Variants in PHTF1 observed in about 807,000 individuals in gnomAD.
PHTF1 encodes the protein protein PHTF1.
In PHTF1, 88 loss-of-function variants were observed where a neutral mutation model predicts 102.4. The observed-to-expected ratio is 0.86, with a 90% confidence interval of 0.72 to 1.03. PHTF1 has a LOEUF of 1.03. Among genes scored for constraint, PHTF1 ranks in the 50% least tolerant of loss-of-function variants. The probability of loss-of-function intolerance (pLI) is 0.00; values close to 1 mark genes in which losing one functional copy is unlikely to be tolerated. For synonymous variants in PHTF1, 289 were observed against 305.2 expected (o/e 0.95, Z 0.55); for missense variants, 814 against 909.5 (o/e 0.89, Z 1.35).
intron 7 of PHTF1, among the ~76,000 whole-genome samples, chr1:113,718,685 G>A (rs937399573): frequency 1.3e-5 from 2 of 152,228 alleles, no homozygotes; most frequent in African/African-American, 2.4e-5. Context: ...AGCTGCCAAG[G>A]TTTGGAGCGT....
chr1:113,716,781 TCAA>T (rs909007825), intron 7 of PHTF1, among the ~76,000 whole-genome samples: 5 of 152,274 alleles, frequency 3.3e-5, no homozygotes, highest in East Asian at 1.9e-4. Flanking sequence ...AAGGATTTCA[TCAA>T]CAACAGACCT....
intron 3 of PHTF1, among the ~76,000 whole-genome samples, chr1:113,743,440 C>T (rs1307268649): frequency 6.6e-6 from 1 of 151,978 alleles, no homozygotes; most frequent in Non-Finnish European, 1.5e-5. Context: ...GAAGGACCTA[C>T]CTGAGACTGT....
intron 7 of PHTF1, among the ~76,000 whole-genome samples, chr1:113,715,379 G>GCACA (rs1209223817): frequency 1.3e-5 from 2 of 151,980 alleles, no homozygotes; most frequent in Non-Finnish European, 2.9e-5. Context: ...TTTTAGCCAG[G>GCACA]CACAGTGGCT....
At chr1:113,735,510 T>C (rs952629408) in intron 5 of PHTF1, among the ~76,000 whole-genome samples, 2 of 150,862 alleles carry the variant, frequency 1.3e-5, no homozygotes, top group Admixed American at 1.3e-4. Flanking sequence ...GGTATGCCCA[T>C]ATGATGAATT....
At chr1:113,754,942 T>A (rs935575644) in intron 3 of PHTF1, among the ~76,000 whole-genome samples, 2 of 152,174 alleles carry the variant, frequency 1.3e-5, no homozygotes, top group African/African-American at 4.8e-5. Flanking sequence ...CTTATACTTC[T>A]GTTTGTTAAT....
At chr1:113,758,514 CTTTTT>C in intron 2 of PHTF1, 140 bp downstream of exon 2, 4 of 329,964 alleles carry the variant, frequency 1.2e-5, no homozygotes, top group Non-Finnish European at 2.1e-5. Context: ...CCTTGTACAT[CTTTTT>C]TTTTTTTTTT....
intron 7 of PHTF1, among the ~76,000 whole-genome samples, chr1:113,717,680 G>A (rs750332571): frequency 5.9e-5 from 9 of 152,074 alleles, no homozygotes; most frequent in East Asian, 1.9e-4. Flanking sequence ...GAATCATGGC[G>A]GGAGGTAAAA....
chr1:113,738,017 A>T (rs1397262473), intron 5 of PHTF1, 93 bp downstream of exon 5: 1 of 869,256 alleles, frequency 1.2e-6, no homozygotes, highest in Non-Finnish European at 1.8e-6. Flanking sequence ...CTGTCAAATG[A>T]AAGGGTAAAT....
rs756552318 is a variant in PHTF1 at position 113,713,395 on chromosome 1, C to CTG, written c.666_667insCA (p.Asp223GlnfsTer66). The stretch of plus-strand genomic sequence containing the variant: ...GGATGGACACAACTTGGGTCATTGT[C>CTG]AGTTTCAGTCCCTTTGTTAGATATT... On this transcript the variant is annotated frameshift_variant, in exon 8 of 19. Transcript: ENST00000369604. LOFTEE classifies it high-confidence loss of function. 6.3e-7 allele frequency: 1 copy of CTG among 1,584,800 alleles called. No individual in the cohort carries two copies. Among genetic ancestry groups the CTG allele is most frequent in the Non-Finnish European group, 8.7e-7 (1 of 1,153,722 alleles).
intron 3 of PHTF1, among the ~76,000 whole-genome samples, chr1:113,755,778 G>T (rs1185598597): frequency 1.3e-5 from 2 of 152,094 alleles, no homozygotes; most frequent in African/African-American, 2.4e-5. Flanking sequence ...ATCAGGCAGG[G>T]CGCGGTGGCT....
chr1:113,706,767 C>T lies in PHTF1; in HGVS notation c.1270-45G>A, dbSNP rs1650260096. 5 of 1,447,336 alleles carry T rather than the reference C, an allele frequency of 3.5e-6. No individual in the cohort carries two copies. The East Asian group carries it at 1.2e-4, about 34-fold the overall frequency. The allele number at this position is 1,447,336 out of a possible 1,614,324, so 89.7% of individuals were successfully genotyped here. On this transcript the variant is annotated intron_variant, in intron 11 of 18. Coordinates refer to ENST00000369604, the MANE Select transcript of PHTF1 (RefSeq NM_001323043.2). ...ATTGTTTCTATCCATGCCCTCTTGC[C>T]TCCATTAGTTTTTCTTTCCCAGGCT...
chr1:113,705,132 AT>A (rs1649928226), intron 13 of PHTF1, among the ~76,000 whole-genome samples: 1 of 152,186 alleles, frequency 6.6e-6, no homozygotes, highest in Non-Finnish European at 1.5e-5. Flanking sequence ...CTCAAATTAA[AT>A]TTCCATTCAA....
chr1:113,699,130 G>A (rs1649162319), intron 17 of PHTF1: 1 of 164,078 alleles, frequency 6.1e-6, no homozygotes, highest in African/African-American at 2.4e-5. Flanking sequence ...CAGGTTCCTG[G>A]GCACAGGGGC....
At chr1:113,724,724 A>T in intron 7 of PHTF1, 35 bp downstream of exon 7, 1 of 1,540,802 alleles carries the variant, frequency 6.5e-7, no homozygotes. Flanking sequence ...TGTAAACACT[A>T]CGTGAATACA....
At chr1:113,724,303 G>T (rs1653477265) in intron 7 of PHTF1, among the ~76,000 whole-genome samples, 1 of 152,106 alleles carries the variant, frequency 6.6e-6, no homozygotes, top group Non-Finnish European at 1.5e-5. Context: ...GGCCAGGTGT[G>T]ATGGCTCATG....
At chr1:113,708,351 C>T (rs1001182842) in intron 11 of PHTF1, among the ~76,000 whole-genome samples, 3 of 152,196 alleles carry the variant, frequency 2.0e-5, no homozygotes, top group Admixed American at 6.5e-5. Flanking sequence ...GCCAGCTGGG[C>T]GCGGTGGCTC....
chr1:113,731,901 TTAAAAAAAAAAAA>T (rs1267993605), intron 5 of PHTF1, among the ~76,000 whole-genome samples: 1 of 144,716 alleles, frequency 6.9e-6, no homozygotes, highest in Non-Finnish European at 1.5e-5. Context: ...CGTCTCAATT[TTAAAAAAAAAAAA>T]AAAAAAAAAG....
chr1:113,758,799 G>A, intron 1 of PHTF1, 66 bp from the exon 2 acceptor site: 1 of 1,518,578 alleles, frequency 6.6e-7, no homozygotes, highest in Non-Finnish European at 8.8e-7. Flanking sequence ...GTTTGGGTAG[G>A]ACGCGAAAAC....
chr1:113,728,167 C>G (rs1205601750), intron 5 of PHTF1, among the ~76,000 whole-genome samples: 1 of 152,178 alleles, frequency 6.6e-6, no homozygotes, highest in African/African-American at 2.4e-5. Flanking sequence ...GAAGAGACAA[C>G]TCACAGAATG....
Sources: gnomAD v4.1 joint callset for allele counts (sites outside exome capture counted in the v4.1 genomes callset) on GRCh38, gnomAD v4.1.1 for gene constraint, MANE v1.5 for transcripts, NCBI Gene and HGNC (gene_info 2026-07-23, HGNC 2026-07-21) for gene names.